GNGT1: variants seen among roughly 807,000 people sequenced by gnomAD.
GNGT1 encodes guanine nucleotide-binding protein G(T) subunit gamma-T1.
Under a neutral mutation model 7.4 loss-of-function variants are expected in GNGT1, and 4 were observed. The ratio of observed to expected loss-of-function variants is 0.54; its 90% CI spans 0.27 to 1.24. The LOEUF (loss-of-function observed/expected upper bound fraction) is 1.24. GNGT1 is among the 50% of genes most tolerant of loss of function. GNGT1 has a pLI of 0.12. For synonymous variants in GNGT1, 37 were observed against 30.2 expected (o/e 1.23, Z -0.74); for missense variants, 95 against 82.4 (o/e 1.15, Z -0.59).
chr7:93,910,970 T>C lies in GNGT1; in HGVS notation c.*52T>C, dbSNP rs1380486758. ...CAAATTCTTGGAAATATCTCAAATGTTAATAACAATATGAATTTTTCTCAT... is the reference window on the plus strand; with the variant it reads ...CAAATTCTTGGAAATATCTCAAATGCTAATAACAATATGAATTTTTCTCAT... On this transcript the variant is annotated 3_prime_UTR_variant, in exon 3 of 3. Transcript: ENST00000248572. 3 of 1,320,660 alleles carry C rather than the reference T, an allele frequency of 2.3e-6. No homozygotes were observed. The highest frequency in any genetic ancestry group is 3.0e-5 in the African/African-American group (2 of 66,760). 81.8% of individuals were successfully genotyped at this position (1,320,660 alleles called of 1,614,324 possible). A position where few individuals can be genotyped will look rare whatever the true frequency, so the allele number is the denominator to read the frequency against.
intron 2 of GNGT1, among the ~76,000 whole-genome samples, chr7:93,907,850 C>T (rs1268220673): frequency 6.6e-6 from 1 of 152,146 alleles, no homozygotes; most frequent in East Asian, 1.9e-4. Flanking sequence ...CCTTTCCATA[C>T]AGGCAAAACG....
At chr7:93,910,695 TACA>T (rs1794449361) in intron 2 of GNGT1, 92 bp from the exon 3 acceptor site, 2 of 880,482 alleles carry the variant, frequency 2.3e-6, no homozygotes, top group Admixed American at 5.1e-5. Context: ...ACTGAAATTA[TACA>T]ACCTGAAAAT....
At chr7:93,910,711 A>T (rs1350455566) in intron 2 of GNGT1, 79 bp from the exon 3 acceptor site, 38 of 991,266 alleles carry the variant, frequency 3.8e-5, no homozygotes, top group Middle Eastern at 3.5e-4. Flanking sequence ...CTGAAAATTT[A>T]TTGTAATAAA....
intron 2 of GNGT1, chr7:93,909,571 AAG>A (rs1794428273): frequency 1.4e-6 from 1 of 690,768 alleles, no homozygotes. Flanking sequence ...CATCTGGGTG[AAG>A]CCAAAAGTAG....
chr7:93,906,710 T>G, intron 1 of GNGT1, 26 bp from the exon 2 acceptor site: 1 of 1,205,194 alleles, frequency 8.3e-7, no homozygotes, highest in South Asian at 1.3e-5. Context: ...AATTCATGCA[T>G]AGCTGCTAAC....
At chr7:93,906,972 A>T (rs552049274) in intron 2 of GNGT1, 130 bp downstream of exon 2, 32 of 518,422 alleles carry the variant, frequency 6.2e-5, no homozygotes, top group South Asian at 8.7e-5. Flanking sequence ...TTTATCAAAG[A>T]TTAAGAAAAT....
At chr7:93,908,576 G>A (rs939857054) in intron 2 of GNGT1, among the ~76,000 whole-genome samples, 1 of 151,956 alleles carries the variant, frequency 6.6e-6, no homozygotes, top group Non-Finnish European at 1.5e-5. Flanking sequence ...AAACCCCACC[G>A]AGGGAGTTAG....
Position 93,906,588 on chromosome 7 carries a change from T to C in GNGT1, c.-68T>C. The C allele has an allele frequency of 1.7e-6, 1 of 598,614 alleles. No homozygotes were observed. The highest frequency in any genetic ancestry group is 2.0e-5 in the African/African-American group (1 of 51,004). The allele number at this position is 598,614 out of a possible 1,614,324, so 37.1% of individuals were successfully genotyped here. A position where few individuals can be genotyped will look rare whatever the true frequency, so the allele number is the denominator to read the frequency against. On this transcript the variant is annotated 5_prime_UTR_variant, in exon 1 of 3. Transcript: ENST00000248572. Reference sequence around the variant, plus strand: ...TGCTAGAATTGTTAAGAGAGAGAGCTCATATGAAATTGGTTATCGTGGGAT... The same window carrying C: ...TGCTAGAATTGTTAAGAGAGAGAGCCCATATGAAATTGGTTATCGTGGGAT...
Position 93,910,938 on chromosome 7 carries a change from A to T in GNGT1, c.*20A>T, listed in dbSNP as rs752779933. On this transcript the variant is annotated 3_prime_UTR_variant, in exon 3 of 3. Transcript: ENST00000248572. ...TCATAATACAAACAAAAAGAAAAAA[A>T]ATTAAACAAATTCTTGGAAATATCT... 2.0e-6 allele frequency: 3 copies of T among 1,515,198 alleles called. No homozygotes were observed. Among genetic ancestry groups the T allele is most frequent in the South Asian group, 2.5e-5 (2 of 78,438 alleles). The allele number at this position is 1,515,198 out of a possible 1,614,324, so 93.9% of individuals were successfully genotyped here. A position where few individuals can be genotyped will look rare whatever the true frequency, so the allele number is the denominator to read the frequency against.
rs746027091 is a variant in GNGT1 at position 93,906,750 on chromosome 7, C to A, written c.4C>A (p.Pro2Thr). The change falls in exon 2 of 3, where the codon CCA (proline) becomes ACA (threonine). Residue 2 changes from proline (P) to threonine (T), a missense_variant. Transcript: ENST00000248572. M[P>T]VINIEDLTEK... ...TACATCTTCAGCAGGCAAAAAGATGCCAGTAATCAATATTGAGGACCTGAC... is the reference window on the plus strand; with the variant it reads ...TACATCTTCAGCAGGCAAAAAGATGACAGTAATCAATATTGAGGACCTGAC... 4.4e-6 allele frequency: 7 copies of A among 1,586,474 alleles called. No individual in the cohort carries two copies. Among genetic ancestry groups the A allele is most frequent in the South Asian group, 2.3e-5 (2 of 88,684 alleles).
chr7:93,911,136 A>G lies in GNGT1; in HGVS notation c.*218A>G. On this transcript the variant is annotated 3_prime_UTR_variant, in exon 3 of 3. Coordinates refer to ENST00000248572, the MANE Select transcript of GNGT1 (RefSeq NM_021955.5). The stretch of plus-strand genomic sequence containing the variant: ...CAGGGTTTAACACATAATTGCCAAT[A>G]AATATTGCTTAAAGTTCTTTAAAAA... The G allele has an allele frequency of 3.8e-6, 1 of 264,734 alleles. No homozygotes were observed. The highest frequency in any genetic ancestry group is 7.1e-6 in the Non-Finnish European group (1 of 140,018). The allele number at this position is 264,734 out of a possible 1,614,324, so 16.4% of individuals were successfully genotyped here. A position where few individuals can be genotyped will look rare whatever the true frequency, so the allele number is the denominator to read the frequency against.
Position 93,910,945 on chromosome 7 carries a change from C to T in GNGT1, c.*27C>T, listed in dbSNP as rs777898529. On this transcript the variant is annotated 3_prime_UTR_variant, in exon 3 of 3. Coordinates refer to ENST00000248572, the MANE Select transcript of GNGT1 (RefSeq NM_021955.5). The stretch of plus-strand genomic sequence containing the variant: ...ACAAACAAAAAGAAAAAAAATTAAA[C>T]AAATTCTTGGAAATATCTCAAATGT... 7.3e-6 allele frequency: 11 copies of T among 1,498,552 alleles called. No homozygotes were observed. In the Admixed American group the frequency reaches 2.3e-4, roughly 31 times the overall value. 92.8% of individuals were successfully genotyped at this position (1,498,552 alleles called of 1,614,324 possible).
chr7:93,906,567 A>G lies in GNGT1; in HGVS notation c.-89A>G. On this transcript the variant is annotated 5_prime_UTR_variant, in exon 1 of 3. Coordinates refer to ENST00000248572, the MANE Select transcript of GNGT1 (RefSeq NM_021955.5). ...AATCCCAAGGCTAGTGTGCATTGCT[A>G]GAATTGTTAAGAGAGAGAGCTCATA... 4 of 564,248 alleles carry G rather than the reference A, an allele frequency of 7.1e-6. No individual in the cohort carries two copies. The highest frequency in any genetic ancestry group is 1.2e-5 in the Non-Finnish European group (4 of 321,632). 35.0% of individuals were successfully genotyped at this position (564,248 alleles called of 1,614,324 possible). A position where few individuals can be genotyped will look rare whatever the true frequency, so the allele number is the denominator to read the frequency against.
chr7:93,907,806 CTATGTT>C (rs1418484374), intron 2 of GNGT1, among the ~76,000 whole-genome samples: 1 of 152,110 alleles, frequency 6.6e-6, no homozygotes, highest in East Asian at 1.9e-4. Context: ...TGGGCTTCGT[CTATGTT>C]TATAATAATC....
intron 2 of GNGT1, among the ~76,000 whole-genome samples, chr7:93,908,515 C>T (rs961879984): frequency 6.6e-5 from 10 of 152,010 alleles, no homozygotes; most frequent in South Asian, 2.1e-4. Context: ...TTTATAAGGA[C>T]GGTAATCCTA....
rs781161398 is a variant in GNGT1, at chr7:93,906,708, C to T, written c.-11-28C>T. On this transcript the variant is annotated intron_variant, in intron 1 of 2. Coordinates refer to ENST00000248572, the MANE Select transcript of GNGT1 (RefSeq NM_021955.5). ...CTTGAAATAACTCCAGCAATTCATG[C>T]ATAGCTGCTAACCTTCTACATCTTC... 11 of 1,134,434 alleles carry T rather than the reference C, an allele frequency of 9.7e-6. No homozygotes were observed. In the South Asian group the frequency reaches 1.4e-4, roughly 15 times the overall value. 70.3% of individuals were successfully genotyped at this position (1,134,434 alleles called of 1,614,324 possible). A position where few individuals can be genotyped will look rare whatever the true frequency, so the allele number is the denominator to read the frequency against.
chr7:93,907,228 T>C (rs1484809556), intron 2 of GNGT1, among the ~76,000 whole-genome samples: 1 of 151,352 alleles, frequency 6.6e-6, no homozygotes, highest in Non-Finnish European at 1.5e-5. Flanking sequence ...AAAAGGAGAA[T>C]ATGAGACAAA....
At chr7:93,909,526 G>T (rs1794427612) in intron 2 of GNGT1, 1 of 701,740 alleles carries the variant, frequency 1.4e-6, no homozygotes, top group Non-Finnish European at 2.6e-6. Flanking sequence ...ATGGACTACT[G>T]AATTAAGGAC....
chr7:93,909,616 G>A, intron 2 of GNGT1: 1 of 570,576 alleles, frequency 1.8e-6, no homozygotes, highest in Non-Finnish European at 3.2e-6. Flanking sequence ...GGACCACTGA[G>A]GAAGAGGGAA....
Sources: gnomAD v4.1 joint callset for allele counts (sites outside exome capture counted in the v4.1 genomes callset) on GRCh38, gnomAD v4.1.1 for gene constraint, MANE v1.5 for transcripts, NCBI Gene and HGNC (gene_info 2026-07-23, HGNC 2026-07-21) for gene names.